EMCN: variants seen among roughly 807,000 people sequenced by gnomAD.
EMCN encodes the protein endomucin, also known as MUC-14.
A neutral mutation model predicts 38.4 loss-of-function variants in EMCN; 37 were observed. The observed-to-expected ratio is 0.96, with a 90% confidence interval of 0.74 to 1.27. The LOEUF is 1.27. EMCN is among the 50% of genes most tolerant of loss of function. The pLI, the probability that EMCN is intolerant of heterozygous loss-of-function variation, is 0.00. For missense variants in EMCN, 318 were observed against 302.8 expected (o/e 1.05, Z -0.37); for synonymous variants, 95 against 100.8 (o/e 0.94, Z 0.35).
intron 1 of EMCN, among the ~76,000 whole-genome samples, chr4:100,491,668 C>T (rs1195511204): frequency 6.6e-6 from 1 of 152,206 alleles, no homozygotes; most frequent in African/African-American, 2.4e-5. Context: ...AAGGAATAGA[C>T]CCTGTAACCT....
intron 1 of EMCN, among the ~76,000 whole-genome samples, chr4:100,489,540 T>C (rs931964723): frequency 2.0e-5 from 3 of 152,210 alleles, no homozygotes; most frequent in Non-Finnish European, 2.9e-5. Context: ...ATCATAGCTG[T>C]TGTAATGTTG....
intron 1 of EMCN, among the ~76,000 whole-genome samples, chr4:100,489,362 T>C (rs1206533154): frequency 6.6e-6 from 1 of 152,238 alleles, no homozygotes; most frequent in African/African-American, 2.4e-5. Context: ...ATTCTATTTT[T>C]AATTTTTTGA....
intron 5 of EMCN, among the ~76,000 whole-genome samples, chr4:100,440,643 T>C (rs545619443): frequency 4.8e-4 from 73 of 152,204 alleles, no homozygotes; most frequent in Non-Finnish European, 4.4e-5. Context: ...TAAATATATA[T>C]CACACTTTAT....
chr4:100,480,030 T>C lies in EMCN; in HGVS notation c.74A>G (p.Glu25Gly). ...AACAACAAGTGAATTATTAGCTGCCTCTAAAACACCTGAAAAAAGTAAAGT... is the reference window on the plus strand; with the variant it reads ...AACAACAAGTGAATTATTAGCTGCCCCTAAAACACCTGAAAAAAGTAAAGT... Reference protein sequence around the residue: ...ICSSNSTGVLEAANNSLVVTT... With the variant: ...ICSSNSTGVLGAANNSLVVTT... Residue 25 changes from glutamate to glycine, a missense_variant, in exon 2 of 12, where the codon GAG (glutamate) becomes GGG (glycine). By Grantham distance (98) the Glu-to-Gly change is moderately conservative. Coordinates refer to ENST00000296420, the MANE Select transcript of EMCN (RefSeq NM_016242.4). 1.2e-6 allele frequency: 2 copies of C among 1,604,898 alleles called. No homozygotes were observed. The highest frequency in any genetic ancestry group is 1.7e-6 in the Non-Finnish European group (2 of 1,176,542).
At chr4:100,410,543 C>T (rs559301161) in intron 10 of EMCN, among the ~76,000 whole-genome samples, 188 bp from the exon 11 acceptor site, 1 of 152,194 alleles carries the variant, frequency 6.6e-6, no homozygotes, top group Admixed American at 6.5e-5. Context: ...TTTTCCCAGA[C>T]ATCATCTGTT....
At chr4:100,517,815 A>G (rs1434819331) in intron 1 of EMCN, 36 bp downstream of exon 1, 3 of 1,603,910 alleles carry the variant, frequency 1.9e-6, no homozygotes, top group Non-Finnish European at 2.6e-6. Context: ...AGTGATTTCC[A>G]ATCCGTACCA....
chr4:100,482,529 G>A (rs762970948), intron 1 of EMCN, among the ~76,000 whole-genome samples: 10 of 152,144 alleles, frequency 6.6e-5, no homozygotes, highest in Non-Finnish European at 1.2e-4. Flanking sequence ...GAAAGGGCAT[G>A]AGCAGAGCTC....
intron 5 of EMCN, among the ~76,000 whole-genome samples, chr4:100,441,918 A>G (rs1189933924): frequency 2.6e-5 from 4 of 152,184 alleles, no homozygotes; most frequent in Non-Finnish European, 5.9e-5. Flanking sequence ...CATGATTTAC[A>G]CACCACTATT....
chr4:100,491,194 T>G (rs1382584640), intron 1 of EMCN, among the ~76,000 whole-genome samples: 1 of 152,190 alleles, frequency 6.6e-6, no homozygotes, highest in Non-Finnish European at 1.5e-5. Context: ...TTTTGTTGCC[T>G]GCATGTGGGG....
At chr4:100,501,791 G>A (rs1023866674) in intron 1 of EMCN, among the ~76,000 whole-genome samples, 2 of 150,946 alleles carry the variant, frequency 1.3e-5, no homozygotes, top group South Asian at 4.2e-4. Flanking sequence ...TGCATCAATA[G>A]AAATACAATT....
chr4:100,498,763 T>C (rs887254076), intron 1 of EMCN, among the ~76,000 whole-genome samples: 1 of 152,208 alleles, frequency 6.6e-6, no homozygotes, highest in East Asian at 1.9e-4. Context: ...ATTATTAAAC[T>C]CTACATTTAA....
chr4:100,517,615 T>G (rs1729792302), intron 1 of EMCN, among the ~76,000 whole-genome samples: 1 of 152,086 alleles, frequency 6.6e-6, no homozygotes, highest in Non-Finnish European at 1.5e-5. Context: ...TACTTTGTGA[T>G]TTCATCGAAC....
chr4:100,479,768 A>G, intron 2 of EMCN, 149 bp downstream of exon 2: 1 of 647,244 alleles, frequency 1.5e-6, no homozygotes, highest in Non-Finnish European at 2.4e-6. Flanking sequence ...GGAACCCCAA[A>G]TAACACATAA....
chr4:100,503,640 G>A (rs904199559), intron 1 of EMCN, among the ~76,000 whole-genome samples: 23 of 151,904 alleles, frequency 1.5e-4, no homozygotes, highest in Admixed American at 4.6e-4. Context: ...GTGCAGTGGC[G>A]TGATCATGGT....
intron 10 of EMCN, among the ~76,000 whole-genome samples, chr4:100,414,528 G>A (rs1726659675): frequency 6.6e-6 from 1 of 151,886 alleles, no homozygotes. Context: ...AGAAAGTATA[G>A]TATGGGAATA....
At chr4:100,484,202 T>A (rs1403061731) in intron 1 of EMCN, among the ~76,000 whole-genome samples, 2 of 152,156 alleles carry the variant, frequency 1.3e-5, no homozygotes, top group East Asian at 3.8e-4. Context: ...AATAGTTCTG[T>A]ATTCTCTGAA....
At chr4:100,491,575 C>G (rs1315482409) in intron 1 of EMCN, among the ~76,000 whole-genome samples, 1 of 152,206 alleles carries the variant, frequency 6.6e-6, no homozygotes, top group Non-Finnish European at 1.5e-5. Flanking sequence ...CCCATCCATC[C>G]TGATCAGCAA....
At chr4:100,513,291 G>A (rs938939040) in intron 1 of EMCN, among the ~76,000 whole-genome samples, 1 of 152,110 alleles carries the variant, frequency 6.6e-6, no homozygotes, top group Admixed American at 6.6e-5. Context: ...TCCTACAATA[G>A]ACTACCCATT....
At chr4:100,440,250 T>C (rs182987575) in intron 5 of EMCN, among the ~76,000 whole-genome samples, 4 of 152,280 alleles carry the variant, frequency 2.6e-5, no homozygotes, top group African/African-American at 9.6e-5. Flanking sequence ...TTCTTTTTTA[T>C]TTTAATAGCT....
Sources: gnomAD v4.1 joint callset for allele counts (sites outside exome capture counted in the v4.1 genomes callset) on GRCh38, gnomAD v4.1.1 for gene constraint, MANE v1.5 for transcripts, NCBI Gene and HGNC (gene_info 2026-07-23, HGNC 2026-07-21) for gene names.